Variants in BLTP1 observed in about 807,000 individuals in gnomAD.
The protein encoded by BLTP1 is bridge-like lipid transfer protein family member 1.
chr4:122,325,640 T>C, the BLTP1 span: 1 of 1,097,288 alleles, frequency 9.1e-7, no homozygotes, highest in Non-Finnish European at 1.2e-6. Context: ...CTTACACAAA[T>C]GTAAACGTGG....
chr4:122,350,306 C>A, the BLTP1 span: 1 of 985,012 alleles, frequency 1.0e-6, no homozygotes, highest in Non-Finnish European at 1.2e-6. Context: ...CATCTGCATC[C>A]ATACCCACTC....
chr4:122,237,555 T>C, the BLTP1 span: 1 of 462,910 alleles, frequency 2.2e-6, no homozygotes, highest in African/African-American at 2.1e-5. Context: ...TGGGGTTCTT[T>C]GTACTATTCT....
At chr4:122,192,956 A>G in the BLTP1 span, among the ~76,000 whole-genome samples, 1 of 152,210 alleles carries the variant, frequency 6.6e-6, no homozygotes, top group Non-Finnish European at 1.5e-5. Context: ...TCCTCCAACA[A>G]GGTGGTGGCA....
the BLTP1 span, among the ~76,000 whole-genome samples, chr4:122,283,263 G>C: frequency 7.0e-6 from 1 of 141,862 alleles, no homozygotes; most frequent in Non-Finnish European, 1.5e-5. Flanking sequence ...AGTGATCATT[G>C]TATATAACCA....
chr4:122,255,138 G>A, the BLTP1 span: 6 of 1,602,974 alleles, frequency 3.7e-6, no homozygotes, highest in Non-Finnish European at 5.1e-6. Context: ...TAGAATAAAA[G>A]TGTACATTTT....
chr4:122,334,587 AT>A, the BLTP1 span: 1 of 1,581,040 alleles, frequency 6.3e-7, no homozygotes, highest in Non-Finnish European at 8.6e-7. Flanking sequence ...CATTTTAAAA[AT>A]TTTTAGTTAT....
chr4:122,160,655 C>T, the BLTP1 span, among the ~76,000 whole-genome samples: 9 of 152,280 alleles, frequency 5.9e-5, no homozygotes, highest in East Asian at 1.7e-3. Flanking sequence ...AAACAGTTTA[C>T]ATGAATTAAA....
chr4:122,235,799 C>T, the BLTP1 span, among the ~76,000 whole-genome samples: 8 of 151,544 alleles, frequency 5.3e-5, no homozygotes, highest in East Asian at 7.8e-4. Context: ...AGCGAGACTC[C>T]GTCTCAAAAA....
the BLTP1 span, chr4:122,289,387 A>G: frequency 5.0e-6 from 3 of 597,448 alleles, no homozygotes; most frequent in South Asian, 1.5e-4. Flanking sequence ...CATGTATAAT[A>G]TACACATTTA....
At chr4:122,165,118 C>T in the BLTP1 span, among the ~76,000 whole-genome samples, 319 of 151,872 alleles carry the variant, frequency 2.1e-3, 4 homozygotes, top group African/African-American at 7.2e-3. Flanking sequence ...ATGTGCATAA[C>T]GTGCAGGTTA....
At chr4:122,224,386 A>G in the BLTP1 span, 4 of 1,146,408 alleles carry the variant, frequency 3.5e-6, no homozygotes, top group South Asian at 1.6e-5. Context: ...CTGAAACCTT[A>G]TAGATGGCAT....
chr4:122,316,778 G>A, the BLTP1 span: 11 of 1,613,170 alleles, frequency 6.8e-6, no homozygotes. Context: ...AGCCAGCCGG[G>A]AGAACTTAGA....
the BLTP1 span, among the ~76,000 whole-genome samples, chr4:122,166,638 G>C: frequency 6.6e-6 from 1 of 152,124 alleles, no homozygotes; most frequent in Non-Finnish European, 1.5e-5. Flanking sequence ...GATAGGGATG[G>C]CATTGAATCT....
At chr4:122,226,309 A>T in the BLTP1 span, 14 of 716,926 alleles carry the variant, frequency 2.0e-5, no homozygotes, top group Non-Finnish European at 2.4e-5. Context: ...GCTCAATGTG[A>T]TATTTAGATA....
chr4:122,349,401 T>C, the BLTP1 span: 1 of 1,558,774 alleles, frequency 6.4e-7, no homozygotes, highest in Non-Finnish European at 8.7e-7. The surrounding 1 kb of genome is among the most constrained non-coding windows in gnomAD (Gnocchi z 4.5). Context: ...TTCTCATGAG[T>C]TTTTCCCATG....
At chr4:122,331,995 C>T in the BLTP1 span, among the ~76,000 whole-genome samples, 2 of 151,916 alleles carry the variant, frequency 1.3e-5, no homozygotes, top group Non-Finnish European at 2.9e-5. Flanking sequence ...TGCAGCTTTA[C>T]TATTTGTTTA....
chr4:122,194,803 A>G, the BLTP1 span: 41 of 550,760 alleles, frequency 7.4e-5, no homozygotes, highest in African/African-American at 7.6e-4. Flanking sequence ...GACAGTGAAG[A>G]TAGAAATTTG....
the BLTP1 span, chr4:122,271,096 A>G: frequency 6.8e-6 from 11 of 1,613,836 alleles, no homozygotes; most frequent in South Asian, 1.1e-4. Flanking sequence ...GTGCTGTTGT[A>G]ATGGAAAAGT....
chr4:122,196,672 C>A, the BLTP1 span: 1 of 1,609,952 alleles, frequency 6.2e-7, no homozygotes, highest in Non-Finnish European at 8.5e-7. Context: ...ACCTGACTAT[C>A]AAGTTCTGAA....
Sources: gnomAD v4.1 joint callset for allele counts (sites outside exome capture counted in the v4.1 genomes callset) on GRCh38, gnomAD v4.1.1 for gene constraint, Gnocchi (gnomAD v3.1) non-coding constraint, MANE v1.5 for transcripts, NCBI Gene and HGNC (gene_info 2026-07-23, HGNC 2026-07-21) for gene names.